Variants in DPP6 observed in about 807,000 individuals in gnomAD.
DPP6 encodes the protein dipeptidyl peptidase like 6, also known as A-type potassium channel modulatory protein DPP6.
Under a neutral mutation model 122.6 loss-of-function variants are expected in DPP6, and 69 were observed. The observed-to-expected ratio is 0.56, with a 90% CI of 0.46 to 0.69. DPP6 has a LOEUF of 0.69. Ranked by LOEUF, DPP6 falls within the 30% of genes least tolerant of loss-of-function variation. The pLI, the probability that DPP6 is intolerant of heterozygous loss-of-function variation, is 0.00. For synonymous variants in DPP6, 418 were observed against 433.1 expected (o/e 0.97, Z 0.43); for missense variants, 928 against 1,116.9 (o/e 0.83, Z 2.41).
chr7:154,565,993 A>G (rs1251588234), intron 4 of DPP6, among the ~76,000 whole-genome samples: 1 of 152,200 alleles, frequency 6.6e-6, no homozygotes, highest in East Asian at 1.9e-4. Flanking sequence ...TTAAAAGAAA[A>G]CAGCACAGTT....
At chr7:153,844,771 T>C in the DPP6 span, among the ~76,000 whole-genome samples, 28 of 152,344 alleles carry the variant, frequency 1.8e-4, no homozygotes, top group Admixed American at 9.1e-4. Flanking sequence ...AAATATAATG[T>C]TTTGAATTGG....
At chr7:153,872,113 T>C in the DPP6 span, among the ~76,000 whole-genome samples, 1 of 152,210 alleles carries the variant, frequency 6.6e-6, no homozygotes, top group Non-Finnish European at 1.5e-5. Context: ...AATCGTTCCA[T>C]CTGTAATGTT....
intron 4 of DPP6, among the ~76,000 whole-genome samples, chr7:154,552,637 G>A (rs568222879): frequency 6.6e-5 from 10 of 152,312 alleles, no homozygotes; most frequent in South Asian, 4.1e-4. Flanking sequence ...CTGAAATAAC[G>A]TGATAAAAGG....
chr7:154,381,350 A>T (rs906471630), intron 1 of DPP6, among the ~76,000 whole-genome samples: 1 of 152,226 alleles, frequency 6.6e-6, no homozygotes, highest in Non-Finnish European at 1.5e-5. Flanking sequence ...TGTTGTCAGT[A>T]TTCTCAGAAT....
At chr7:154,539,460 C>T (rs1017255250) in intron 3 of DPP6, among the ~76,000 whole-genome samples, 2 of 152,036 alleles carry the variant, frequency 1.3e-5, no homozygotes, top group African/African-American at 4.8e-5. Context: ...GGAAGGGGAA[C>T]ATCACACACC....
At chr7:154,660,262 G>T (rs12670272) in intron 6 of DPP6, among the ~76,000 whole-genome samples, 1 of 29,746 alleles carries the variant, frequency 3.4e-5, no homozygotes, top group Non-Finnish European at 1.8e-4. Context: ...TCACGATGGC[G>T]TATTGGCCGT....
At chr7:154,867,880 A>C (rs1804022700) in intron 17 of DPP6, 115 bp from the exon 18 acceptor site, 1 of 1,313,238 alleles carries the variant, frequency 7.6e-7, no homozygotes, top group East Asian at 2.7e-5. Context: ...AAATAATAAT[A>C]ATCACCTCTG....
At chr7:154,564,339 A>T (rs1238891470) in intron 4 of DPP6, among the ~76,000 whole-genome samples, 1 of 152,212 alleles carries the variant, frequency 6.6e-6, no homozygotes, top group Admixed American at 6.5e-5. Flanking sequence ...AACATTGTCT[A>T]AAACGTGGAT....
chr7:153,828,386 C>T, the DPP6 span, among the ~76,000 whole-genome samples: 1 of 152,108 alleles, frequency 6.6e-6, no homozygotes, highest in Admixed American at 6.6e-5. Flanking sequence ...GATACACGCA[C>T]ACATGTAGCA....
At chr7:154,139,154 G>A (rs893051997) in intron 1 of DPP6, among the ~76,000 whole-genome samples, 1 of 151,550 alleles carries the variant, frequency 6.6e-6, no homozygotes, top group Non-Finnish European at 1.5e-5. Flanking sequence ...CAGAGGAGTT[G>A]TCTCATATGC....
intron 16 of DPP6, among the ~76,000 whole-genome samples, chr7:154,832,935 A>G (rs1163077525): frequency 1.3e-5 from 2 of 152,254 alleles, no homozygotes; most frequent in Non-Finnish European, 2.9e-5. Flanking sequence ...GACACAGAGA[A>G]TCGAGCCCTC....
In DPP6 at chr7:154,794,187, G is replaced by C. The variant is rs550817610; in HGVS notation, c.1245G>C (p.Thr415=). ...TCCTCACCCTCTGCGACGCCACCAC[G>C]GGGGTCTGCACGAAGGTACGCGGGG... is the stretch of plus-strand genomic sequence containing the variant. ...VSILTLCDAT[T]GVCTKKHEDE... Residue 415 remains threonine (T), a synonymous_variant, in exon 11 of 26, where the codon ACG becomes ACC. Coordinates refer to ENST00000377770, the MANE Select transcript of DPP6 (RefSeq NM_130797.4). The C allele has an allele frequency of 3.1e-6, 5 of 1,610,520 alleles. No individual in the cohort carries two copies. The highest frequency in any genetic ancestry group is 4.2e-6 in the Non-Finnish European group (5 of 1,178,278).
intron 21 of DPP6, among the ~76,000 whole-genome samples, chr7:154,882,870 T>C (rs1805511766): frequency 6.6e-6 from 1 of 152,076 alleles, no homozygotes; most frequent in African/African-American, 2.4e-5. Context: ...CCTGCCCTAT[T>C]AAAGGAACAC....
At chr7:154,138,695 C>A (rs1351192480) in intron 1 of DPP6, among the ~76,000 whole-genome samples, 3 of 151,630 alleles carry the variant, frequency 2.0e-5, no homozygotes, top group Non-Finnish European at 4.4e-5. Context: ...AAAGAGGTGT[C>A]CCCATGGGCT....
the DPP6 span, among the ~76,000 whole-genome samples, chr7:153,750,839 AGAT>A: frequency 6.6e-6 from 1 of 152,188 alleles, no homozygotes; most frequent in Non-Finnish European, 1.5e-5. Flanking sequence ...GCCTAAAGTG[AGAT>A]GATGGTGAAA....
chr7:154,799,492 T>A (rs1482594274), intron 12 of DPP6, among the ~76,000 whole-genome samples: 1 of 152,234 alleles, frequency 6.6e-6, no homozygotes, highest in Non-Finnish European at 1.5e-5. Flanking sequence ...CCAGAGCCTA[T>A]TGTTTTGGTT....
At chr7:154,375,249 A>C (rs1218541763) in intron 1 of DPP6, among the ~76,000 whole-genome samples, 2 of 151,996 alleles carry the variant, frequency 1.3e-5, no homozygotes, top group Non-Finnish European at 2.9e-5. Context: ...AGCAGAGGGA[A>C]GAGCAAATTC....
chr7:154,685,400 T>C (rs1839536967), intron 7 of DPP6, among the ~76,000 whole-genome samples: 1 of 152,216 alleles, frequency 6.6e-6, no homozygotes, highest in Non-Finnish European at 1.5e-5. Context: ...ACGAATGCTG[T>C]GGCTGCATGC....
chr7:154,425,627 T>TGGGTGG (rs751009552), intron 1 of DPP6, among the ~76,000 whole-genome samples: 3 of 115,546 alleles, frequency 2.6e-5, no homozygotes, highest in Admixed American at 7.6e-5. Flanking sequence ...TGTGGGTGTG[T>TGGGTGG]GTGTGTGTGT....
Sources: allele counts gnomAD v4.1 joint callset (sites outside exome capture counted in the v4.1 genomes callset), GRCh38; gene constraint gnomAD v4.1.1; transcripts MANE v1.5; gene names NCBI Gene and HGNC (gene_info 2026-07-23, HGNC 2026-07-21).